Variants in U2SURP observed in about 807,000 individuals in gnomAD.
The protein encoded by U2SURP is U2 snRNP-associated SURP motif-containing protein.
Under a neutral mutation model 144.9 loss-of-function variants are expected in U2SURP, and 9 were observed. The ratio of observed to expected loss-of-function variants is 0.06; its 90% CI spans 0.04 to 0.11. The LOEUF (loss-of-function observed/expected upper bound fraction) is 0.11. Ranked by LOEUF, U2SURP falls within the 10% of genes least tolerant of loss-of-function variation. The pLI is 1.00. For synonymous variants in U2SURP, 408 were observed against 396.8 expected (o/e 1.03, Z -0.33); for missense variants, 724 against 1,226.7 (o/e 0.59, Z 6.12).
At chr3:143,049,196 G>C (rs1293067473) in intron 24 of U2SURP, among the ~76,000 whole-genome samples, 1 of 148,760 alleles carries the variant, frequency 6.7e-6, no homozygotes, top group Non-Finnish European at 1.5e-5. Context: ...AACCTGGGAG[G>C]TGGAGGTTGC....
At chr3:143,053,423 T>C (rs1934987584) in intron 25 of U2SURP, among the ~76,000 whole-genome samples, 1 of 152,194 alleles carries the variant, frequency 6.6e-6, no homozygotes, top group African/African-American at 2.4e-5. Context: ...GAAAGCTGTT[T>C]AGTATATTGT....
chr3:143,022,629 A>C lies in U2SURP; in HGVS notation c.985A>C (p.Arg329=). 1 of 1,613,632 alleles carries C rather than the reference A, an allele frequency of 6.2e-7. No individual in the cohort carries two copies. The highest frequency in any genetic ancestry group is 8.5e-7 in the Non-Finnish European group (1 of 1,179,750). The change falls in exon 11 of 28, where the codon AGA becomes CGA. Residue 329 remains arginine, a synonymous_variant. Coordinates refer to ENST00000473835, the MANE Select transcript of U2SURP (RefSeq NM_001080415.2). ...CGGCTTTGTGGCCTTTATGAATAGA[A>C]GAGATGCTGAAAGAGCTTTAAAAAA... is the stretch of plus-strand genomic sequence containing the variant. The part of the protein sequence containing the change: ...NCGFVAFMNR[R]DAERALKNLN...
chr3:143,009,330 G>A (rs991020371), intron 1 of U2SURP, among the ~76,000 whole-genome samples: 2 of 152,044 alleles, frequency 1.3e-5, no homozygotes, highest in African/African-American at 2.4e-5. Context: ...GGGTGCGGTC[G>A]CTCATGTCTG....
chr3:143,038,572 T>G (rs1457190136), intron 22 of U2SURP, among the ~76,000 whole-genome samples: 1 of 152,050 alleles, frequency 6.6e-6, no homozygotes, highest in Non-Finnish European at 1.5e-5. Flanking sequence ...AATTTAGACC[T>G]GTCTTTCACA....
chr3:143,018,549 G>A (rs1442931955), intron 6 of U2SURP, among the ~76,000 whole-genome samples: 1 of 151,816 alleles, frequency 6.6e-6, no homozygotes, highest in South Asian at 2.1e-4. Context: ...TATGTTTTCA[G>A]TTCTCTTGGA....
intron 23 of U2SURP, among the ~76,000 whole-genome samples, chr3:143,041,980 A>G (rs1406334425): frequency 6.6e-6 from 1 of 151,930 alleles, no homozygotes; most frequent in Non-Finnish European, 1.5e-5. Context: ...ACACACACAC[A>G]CACACACACA....
rs773818459 is a variant in U2SURP at position 143,027,203 on chromosome 3, A to G, written c.1329A>G (p.Pro443=). ...RMIEFVVREG[P]MFEAMIMNRE... ...TAGAGTTTGTTGTACGTGAAGGGCC[A>G]ATGTTTGAAGCTATGATTATGAACA... The change falls in exon 14 of 28, where the codon CCA becomes CCG. Residue 443 remains proline (P), a synonymous_variant. Transcript: ENST00000473835. 1 of 1,613,108 alleles carries G rather than the reference A, an allele frequency of 6.2e-7. No individual in the cohort carries two copies. Among genetic ancestry groups the G allele is most frequent in the East Asian group, 2.2e-5 (1 of 44,850 alleles).
At chr3:143,024,231 T>C (rs1222437691) in intron 13 of U2SURP, among the ~76,000 whole-genome samples, 1 of 152,176 alleles carries the variant, frequency 6.6e-6, no homozygotes, top group Non-Finnish European at 1.5e-5. Context: ...GTTATCACTG[T>C]AGGGAATGTT....
At chr3:143,041,376 T>G (rs182714957) in intron 23 of U2SURP, among the ~76,000 whole-genome samples, 45 of 152,094 alleles carry the variant, frequency 3.0e-4, no homozygotes, top group Non-Finnish European at 5.6e-4. Flanking sequence ...AAAACTTTTT[T>G]TCCAAGAAGA....
chr3:143,056,604 A>G lies in U2SURP; in HGVS notation c.*154A>G. The G allele has an allele frequency of 1.4e-6, 1 of 738,150 alleles. No homozygotes were observed. The highest frequency in any genetic ancestry group is 2.2e-6 in the Non-Finnish European group (1 of 464,734). The allele number at this position is 738,150 out of a possible 1,614,324, so 45.7% of individuals were successfully genotyped here. ...CATGTGTAAACTCATGAGCAACTGC[A>G]TCTGTAGATCTGTCATTGTTTTATA... On this transcript the variant is annotated 3_prime_UTR_variant, in exon 28 of 28. Coordinates refer to ENST00000473835, the MANE Select transcript of U2SURP (RefSeq NM_001080415.2).
At chr3:143,012,615 A>G (rs1936178204) in intron 3 of U2SURP, among the ~76,000 whole-genome samples, 1 of 152,170 alleles carries the variant, frequency 6.6e-6, no homozygotes, top group Non-Finnish European at 1.5e-5. Context: ...AAAATGGTTA[A>G]TTGTCAAGTT....
chr3:143,016,274 T>G lies in U2SURP; in HGVS notation c.339T>G (p.Ala113=), dbSNP rs1257202359. Residue 113 remains alanine (A), a synonymous_variant, in exon 5 of 28, where the codon GCT becomes GCG. Transcript: ENST00000473835. ...GTATTTAGGAGGATGAAAAGGCAGC[T>G]GCTGAGATTTATGAGGAGTTTCTTG... ...ELKKKEDEKA[A]AEIYEEFLAA... 1.2e-6 allele frequency: 2 copies of G among 1,613,364 alleles called. No individual in the cohort carries two copies. The highest frequency in any genetic ancestry group is 2.2e-5 in the East Asian group (1 of 44,842).
intron 1 of U2SURP, among the ~76,000 whole-genome samples, chr3:143,009,742 A>G (rs755371104): frequency 6.6e-6 from 1 of 152,208 alleles, no homozygotes; most frequent in Non-Finnish European, 1.5e-5. Context: ...TAAAAATCTT[A>G]CCAGCTGTTC....
Position 143,057,893 on chromosome 3 carries a change from A to G in U2SURP, c.*1443A>G, listed in dbSNP as rs1320952621. 6.6e-6 allele frequency: 1 copy of G among 152,386 alleles called. No individual in the cohort carries two copies. Among genetic ancestry groups the G allele is most frequent in the African/African-American group, 2.4e-5 (1 of 41,412 alleles). 9.4% of individuals were successfully genotyped at this position (152,386 alleles called of 1,614,324 possible). A position where few individuals can be genotyped will look rare whatever the true frequency, so the allele number is the denominator to read the frequency against. On this transcript the variant is annotated 3_prime_UTR_variant, in exon 28 of 28. Transcript: ENST00000473835. ...TCCTATATTAGCTGAGCAGTGAGAT[A>G]CACTATTTCCAAACGGTGCACACCT...
chr3:143,035,115 TTC>T (rs1274358765), intron 19 of U2SURP, 140 bp downstream of exon 19: 4 of 444,890 alleles, frequency 9.0e-6, no homozygotes, highest in Non-Finnish European at 1.6e-5. Context: ...TGTTTTAAAA[TTC>T]TGTCGTTTTT....
At chr3:143,033,495 C>G (rs1933623525) in intron 18 of U2SURP, 145 bp downstream of exon 18, 1 of 559,728 alleles carries the variant, frequency 1.8e-6, no homozygotes, top group Admixed American at 3.3e-5. Flanking sequence ...TCCATGAATT[C>G]AACCAACCAT....
chr3:143,049,295 A>C (rs1934720695), intron 24 of U2SURP, among the ~76,000 whole-genome samples: 2 of 147,366 alleles, frequency 1.4e-5, no homozygotes, highest in Non-Finnish European at 3.0e-5. Flanking sequence ...AAAAAAAAGA[A>C]AGAAAATACC....
At chr3:143,022,306 A>G (rs973407702) in intron 10 of U2SURP, among the ~76,000 whole-genome samples, 191 bp from the exon 11 acceptor site, 1 of 152,166 alleles carries the variant, frequency 6.6e-6, no homozygotes, top group Non-Finnish European at 1.5e-5. Flanking sequence ...AAACCAGAAT[A>G]TTTATAGTAT....
intron 10 of U2SURP, among the ~76,000 whole-genome samples, chr3:143,022,086 A>T (rs1304570963): frequency 1.3e-5 from 2 of 152,188 alleles, no homozygotes; most frequent in African/African-American, 2.4e-5. Flanking sequence ...AGATGATTAG[A>T]TACTTTTTTT....
Sources: gnomAD v4.1 joint callset for allele counts (sites outside exome capture counted in the v4.1 genomes callset) on GRCh38, gnomAD v4.1.1 for gene constraint, MANE v1.5 for transcripts, NCBI Gene and HGNC (gene_info 2026-07-23, HGNC 2026-07-21) for gene names.